Variants in CELSR1 observed in about 807,000 individuals in gnomAD.
CELSR1 encodes the protein cadherin EGF LAG seven-pass G-type receptor 1, also known as adhesion G protein-coupled receptor C1.
Under a neutral mutation model 249.1 loss-of-function variants are expected in CELSR1, and 110 were observed. The observed-to-expected ratio is 0.44, with a 90% CI of 0.38 to 0.52. CELSR1 has a LOEUF of 0.52. Ranked by LOEUF, CELSR1 falls within the 20% of genes least tolerant of loss-of-function variation. CELSR1 has a pLI of 0.00. For synonymous variants in CELSR1, 2,113 were observed against 1,900.0 expected, an observed-to-expected ratio of 1.11 and a Z score of -2.92; for missense variants, 4,109 against 4,296.4, an observed-to-expected ratio of 0.96 and a Z score of 1.22.
At position 46,445,339 on chromosome 22, in the gene CELSR1, T is replaced by C. The variant is rs1443530678; in HGVS notation, c.4184-5928A>G. Among the ~76,000 whole-genome samples the C allele has an allele frequency of 5.3e-5, 8 of 151,438 alleles. No homozygotes were observed. Among genetic ancestry groups the C allele is most frequent in the Non-Finnish European group, 8.8e-5 (6 of 67,894 alleles). On this transcript the variant is annotated intron_variant, in intron 2 of 34. Transcript: ENST00000674500. The surrounding 1 kb of genome is among the most constrained non-coding windows in gnomAD (Gnocchi z 4.4). The stretch of plus-strand genomic sequence containing the variant: ...CAAAACCCCGTCTCTACTAAAAATA[T>C]AAAAATTAGCCGGGTATGGTGGCGC...
At chr22:46,389,186 C>T (rs112184409) in intron 18 of CELSR1, 104 bp downstream of exon 18, 18 of 1,262,336 alleles carry the variant, frequency 1.4e-5, no homozygotes, top group Non-Finnish European at 1.9e-5. Context: ...TGGACACAAC[C>T]GTCTTCCACG....
rs568686043 is a variant in CELSR1, at chr22:46,383,102, G to A, written c.6884-1052C>T. On this transcript the variant is annotated intron_variant, in intron 20 of 34. Coordinates refer to ENST00000674500, the MANE Select transcript of CELSR1 (RefSeq NM_001378328.1). ...TCCCCCAGGAATGGCTTGGTGCCCC[G>A]CCCTTGGTAATGAGCGAGTTCTCAC... 1.3e-4 allele frequency among the ~76,000 whole-genome samples: 20 copies of A among 152,236 alleles called. No homozygotes were observed. The East Asian group carries it at 3.1e-3, about 24-fold the overall frequency.
chr22:46,456,661 TAAAA>T (rs556357746), intron 2 of CELSR1, among the ~76,000 whole-genome samples: 289 of 60,260 alleles, frequency 4.8e-3, no homozygotes, highest in African/African-American at 0.015. Context: ...AGACTCTGTC[TAAAA>T]AAAAAAAAAA....
intron 4 of CELSR1, among the ~76,000 whole-genome samples, chr22:46,435,624 G>A (rs1054251646): frequency 1.3e-5 from 2 of 152,048 alleles, no homozygotes; most frequent in Non-Finnish European, 1.5e-5. Flanking sequence ...ACAATTTAAT[G>A]ATTCCTTGGT....
intron 1 of CELSR1, among the ~76,000 whole-genome samples, chr22:46,504,841 G>A (rs2080499563): frequency 6.6e-6 from 1 of 152,068 alleles, no homozygotes. Context: ...CACACACACA[G>A]ACCACACATC....
rs1017062171 is a variant in CELSR1 at position 46,396,117 on chromosome 22, T to C, written c.5843+488A>G. Reference sequence around the variant, plus strand: ...GGTTAGTTTGAGACGTCCAAATTGATTCTCATTGCCCAAGCGTGGTGGCTC... The same window carrying C: ...GGTTAGTTTGAGACGTCCAAATTGACTCTCATTGCCCAAGCGTGGTGGCTC... On this transcript the variant is annotated intron_variant, in intron 13 of 34. Coordinates refer to ENST00000674500, the MANE Select transcript of CELSR1 (RefSeq NM_001378328.1). The surrounding 1 kb of genome is among the most constrained non-coding windows in gnomAD (Gnocchi z 6.4). Among the ~76,000 whole-genome samples the C allele has an allele frequency of 2.6e-5, 4 of 152,154 alleles. No individual in the cohort carries two copies. Among genetic ancestry groups the C allele is most frequent in the African/African-American group, 4.8e-5 (2 of 41,422 alleles).
intron 1 of CELSR1, among the ~76,000 whole-genome samples, chr22:46,513,917 C>CG (rs557881432): frequency 2.2e-4 from 33 of 151,980 alleles, no homozygotes; most frequent in Admixed American, 9.2e-4. Flanking sequence ...CTCAGCCCCC[C>CG]CCGAGTAGCT....
At position 46,365,355 on chromosome 22, in the gene CELSR1, C is replaced by T. The variant is rs760717744; in HGVS notation, c.8430G>A (p.Glu2810=). The change falls in exon 32 of 35, where the codon GAG becomes GAA. Residue 2810 remains glutamate, a synonymous_variant. Coordinates refer to ENST00000674500, the MANE Select transcript of CELSR1 (RefSeq NM_001378328.1). ...PPGHDSDSDS[E]LSLDEQSSSY... is the part of the protein sequence containing the mutation. The stretch of plus-strand genomic sequence containing the variant: ...AGCTGCTCTGCTCATCCAGGGACAG[C>T]TCGCTATCTGAGTCGGAATCGTGGC... 8 of 1,612,784 alleles carry T rather than the reference C, an allele frequency of 5.0e-6. No individual in the cohort carries two copies. Among genetic ancestry groups the T allele is most frequent in the African/African-American group, 1.3e-5 (1 of 74,950 alleles).
At chr22:46,470,025 T>C (rs1298500955) in intron 1 of CELSR1, among the ~76,000 whole-genome samples, 1 of 38,804 alleles carries the variant, frequency 2.6e-5, no homozygotes, top group Non-Finnish European at 4.8e-5. Flanking sequence ...CAGAGAAGTA[T>C]GGTGTCACTT....
intron 2 of CELSR1, among the ~76,000 whole-genome samples, chr22:46,442,530 C>T (rs554148654): frequency 1.1e-4 from 16 of 152,354 alleles, no homozygotes; most frequent in African/African-American, 3.4e-4. Flanking sequence ...TCCTGGACAC[C>T]GGCTGCCTCC....
At chr22:46,369,441 G>A (rs1250580753) in intron 26 of CELSR1, among the ~76,000 whole-genome samples, 183 bp from the exon 27 acceptor site, 1 of 152,224 alleles carries the variant, frequency 6.6e-6, no homozygotes, top group East Asian at 1.9e-4. Flanking sequence ...ACCACACCCA[G>A]CCTGCCTGTG....
At chr22:46,507,844 T>G (rs2080530575) in intron 1 of CELSR1, among the ~76,000 whole-genome samples, 1 of 132,516 alleles carries the variant, frequency 7.5e-6, no homozygotes, top group Non-Finnish European at 1.6e-5. Context: ...CAGAGTACAG[T>G]GGGCAGTCAG....
intron 1 of CELSR1, among the ~76,000 whole-genome samples, chr22:46,523,543 TAAATAAATAAATAAATA>T (rs2031901852): frequency 6.7e-6 from 1 of 149,916 alleles, no homozygotes; most frequent in Admixed American, 6.6e-5. Context: ...AATAAATAAA[TAAATAAATAAATAAATA>T]AAATAAAAAG....
At chr22:46,424,346 T>C (rs2079513903) in intron 5 of CELSR1, among the ~76,000 whole-genome samples, 1 of 152,152 alleles carries the variant, frequency 6.6e-6, no homozygotes, top group Non-Finnish European at 1.5e-5. Flanking sequence ...CCCAAAGTGC[T>C]GGGGTTACAG....
In CELSR1 at chr22:46,534,863, AC is replaced by A; in HGVS notation, c.2307del (p.Ser770ArgfsTer7). On this transcript the variant is annotated frameshift_variant, in exon 1 of 35. Coordinates refer to ENST00000674500, the MANE Select transcript of CELSR1 (RefSeq NM_001378328.1). LOFTEE classifies it high-confidence loss of function. The surrounding 1 kb of genome is among the most constrained non-coding windows in gnomAD (Gnocchi z 9.7). ...TTGATTAGGACATGCGCAGTGTGCG[AC>A]CGTGTGCCGTCGGATGCTGTCACCG... ...VLAVTASDGT[R>X]SHTAHVLINV... 6.2e-7 allele frequency: 1 copy of A among 1,612,818 alleles called. No individual in the cohort carries two copies. The highest frequency in any genetic ancestry group is 1.1e-5 in the South Asian group (1 of 91,068).
chr22:46,494,704 C>T (rs1004751018), intron 1 of CELSR1, among the ~76,000 whole-genome samples: 1 of 152,002 alleles, frequency 6.6e-6, no homozygotes, highest in African/African-American at 2.4e-5. Context: ...ACCGAGGTTT[C>T]ACCATGTTAG....
At chr22:46,425,377 A>C (rs1375002063) in intron 5 of CELSR1, among the ~76,000 whole-genome samples, 1 of 152,172 alleles carries the variant, frequency 6.6e-6, no homozygotes. Flanking sequence ...TTCTTTAAAT[A>C]TTTGTTAGAA....
In CELSR1 at chr22:46,408,876, C is replaced by A. The variant is rs186906335; in HGVS notation, c.5226+120G>T. Reference sequence around the variant, plus strand: ...CCCCCTCTTCGGAGAACCCCAGGGGCGGGCGCCGGAGGAAGGGCGAGTAGC... The same window carrying A: ...CCCCCTCTTCGGAGAACCCCAGGGGAGGGCGCCGGAGGAAGGGCGAGTAGC... On this transcript the variant is annotated intron_variant, in intron 9 of 34. Coordinates refer to ENST00000674500, the MANE Select transcript of CELSR1 (RefSeq NM_001378328.1). This position sits in a 1 kb window ranked among gnomAD's most constrained non-coding sequence, Gnocchi z 4.6. 8 of 753,536 alleles carry A rather than the reference C, an allele frequency of 1.1e-5. No homozygotes were observed. The East Asian group carries it at 2.3e-4, about 21-fold the overall frequency. 46.7% of individuals were successfully genotyped at this position (753,536 alleles called of 1,614,324 possible).
intron 2 of CELSR1, among the ~76,000 whole-genome samples, chr22:46,461,551 C>T (rs905051722): frequency 6.6e-6 from 1 of 152,188 alleles, no homozygotes; most frequent in Admixed American, 6.5e-5. Context: ...TAGACGTTAC[C>T]CTAGGGCTCC....
Sources: gnomAD v4.1 joint callset for allele counts (sites outside exome capture counted in the v4.1 genomes callset) on GRCh38, gnomAD v4.1.1 for gene constraint, Gnocchi (gnomAD v3.1) non-coding constraint, MANE v1.5 for transcripts, NCBI Gene and HGNC (gene_info 2026-07-23, HGNC 2026-07-21) for gene names.